ZEB1: variants seen among roughly 807,000 people sequenced by gnomAD.
ZEB1 encodes zinc finger E-box binding homeobox 1.
A neutral mutation model predicts 84.9 loss-of-function variants in ZEB1; 21 were observed. The ratio of observed to expected loss-of-function variants is 0.25; its 90% confidence interval spans 0.18 to 0.36. The LOEUF (loss-of-function observed/expected upper bound fraction) is 0.36, where lower values mean the gene tolerates loss of function less well. Among genes scored for constraint, ZEB1 ranks in the 10% least tolerant of loss-of-function variants. The pLI is 1.00. For missense variants in ZEB1, 1,104 were observed against 1,330.2 expected, an observed-to-expected ratio of 0.83 and a Z score of 2.65; for synonymous variants, 420 against 471.1, an observed-to-expected ratio of 0.89 and a Z score of 1.41.
chr10:31,323,035 C>T (rs2034533065), intron 1 of ZEB1, among the ~76,000 whole-genome samples: 1 of 151,772 alleles, frequency 6.6e-6, no homozygotes, highest in African/African-American at 2.4e-5. Context: ...TCTAGTTTGC[C>T]GAAACTAGAA....
intron 1 of ZEB1, among the ~76,000 whole-genome samples, chr10:31,342,456 A>G (rs2039559342): frequency 6.6e-6 from 1 of 152,108 alleles, no homozygotes; most frequent in Admixed American, 6.6e-5. Flanking sequence ...GGTGGAGGTT[A>G]TGATTTTTTG....
At chr10:31,363,370 A>T in intron 1 of ZEB1, 1 of 1,534,426 alleles carries the variant, frequency 6.5e-7, no homozygotes, top group Non-Finnish European at 8.7e-7. Context: ...CACTGCATGC[A>T]CCTGGGCCTT....
chr10:31,470,938 C>G (rs1326138693), intron 2 of ZEB1, among the ~76,000 whole-genome samples: 2 of 136,488 alleles, frequency 1.5e-5, no homozygotes, highest in African/African-American at 5.6e-5. Flanking sequence ...AATTTTCAAC[C>G]CAGAATTTCA....
chr10:31,458,021 A>C (rs923048896), intron 1 of ZEB1, among the ~76,000 whole-genome samples: 2 of 152,128 alleles, frequency 1.3e-5, no homozygotes, highest in African/African-American at 4.8e-5. Flanking sequence ...AAAGATGTCC[A>C]GAAGCCTCCC....
chr10:31,414,069 A>G (rs974376426), intron 1 of ZEB1, among the ~76,000 whole-genome samples: 2 of 152,110 alleles, frequency 1.3e-5, no homozygotes, highest in Non-Finnish European at 2.9e-5. Flanking sequence ...GTTTCCTTTT[A>G]CCCTTTTTAA....
chr10:31,527,412 AACACACACACACACACACACAC>A lies in ZEB1; in HGVS notation c.*168_*189del, dbSNP rs3086583. On this transcript the variant is annotated 3_prime_UTR_variant, in exon 9 of 9. Transcript: ENST00000424869. The stretch of plus-strand genomic sequence containing the variant: ...AAAACTAAAAAAATACAAAATACAA[AACACACACACACACACACACAC>A]ACACACACACACACACACAAAATAA... The A allele has an allele frequency of 1.6e-4, 80 of 515,748 alleles. No individual in the cohort carries two copies. The East Asian group carries it at 2.4e-3, about 16-fold the overall frequency. The allele number at this position is 515,748 out of a possible 1,614,324, so 31.9% of individuals were successfully genotyped here.
intron 2 of ZEB1, among the ~76,000 whole-genome samples, chr10:31,490,555 T>C (rs376704925): frequency 2.0e-5 from 3 of 151,732 alleles, no homozygotes; most frequent in Admixed American, 2.0e-4. Context: ...TATCTTCCAT[T>C]TGCTGAGACA....
chr10:31,480,551 G>A (rs73262036), intron 2 of ZEB1, among the ~76,000 whole-genome samples: 2,260 of 152,128 alleles, frequency 0.015, 63 homozygotes, highest in African/African-American at 0.051. Context: ...TGGGCCAGAT[G>A]ACCCCTGAGT....
chr10:31,469,426 T>C (rs901244785), intron 2 of ZEB1, among the ~76,000 whole-genome samples: 8 of 152,292 alleles, frequency 5.3e-5, no homozygotes, highest in Admixed American at 3.9e-4. Context: ...GGGAGTTCCC[T>C]TTCCTAGTCA....
intron 1 of ZEB1, among the ~76,000 whole-genome samples, chr10:31,444,035 T>G (rs2059419691): frequency 6.6e-6 from 1 of 150,532 alleles, no homozygotes; most frequent in African/African-American, 2.5e-5. Context: ...ACCAACAGTG[T>G]AAAAGTGTTC....
In ZEB1 at chr10:31,471,356, A is replaced by C. The variant is rs2063213390; in HGVS notation, c.259+10119A>C. Among the ~76,000 whole-genome samples, 3 of 147,566 alleles carry C rather than the reference A, an allele frequency of 2.0e-5. No homozygotes were observed. In the South Asian group the frequency reaches 6.6e-4, roughly 32 times the overall value. On this transcript the variant is annotated intron_variant, in intron 2 of 8. Coordinates refer to ENST00000424869, the MANE Select transcript of ZEB1 (RefSeq NM_001174096.2). ...GAGACACACATAGGCTCAAAATAAA[A>C]GGATGGAGGAAGATCTACCAAGCAA... is the stretch of plus-strand genomic sequence containing the variant.
At chr10:31,457,431 A>T (rs2061363131) in intron 1 of ZEB1, among the ~76,000 whole-genome samples, 1 of 152,102 alleles carries the variant, frequency 6.6e-6, no homozygotes. Flanking sequence ...CTCTCAGCTA[A>T]GTGACAGAAG....
chr10:31,507,897 T>A (rs1005353996), intron 4 of ZEB1, among the ~76,000 whole-genome samples: 1 of 152,154 alleles, frequency 6.6e-6, no homozygotes, highest in African/African-American at 2.4e-5. Flanking sequence ...TCCTTCCTTT[T>A]TCATGTTTCT....
At chr10:31,338,875 TATACATCATA>T (rs1008540291) in intron 1 of ZEB1, among the ~76,000 whole-genome samples, 2 of 152,162 alleles carry the variant, frequency 1.3e-5, no homozygotes, top group African/African-American at 4.8e-5. Flanking sequence ...ATTTGATATT[TATACATCATA>T]AATGATGTAT....
intron 1 of ZEB1, among the ~76,000 whole-genome samples, chr10:31,350,209 T>C (rs2041075999): frequency 6.6e-6 from 1 of 152,176 alleles, no homozygotes. Flanking sequence ...GGCATCTTTA[T>C]TGAAAATCAA....
Position 31,525,009 on chromosome 10 carries a change from G to GT in ZEB1, c.2785+901dup, listed in dbSNP as rs569496151. Among the ~76,000 whole-genome samples the GT allele has an allele frequency of 3.0e-3, 451 of 152,202 alleles. 5 individuals carry two copies. Among genetic ancestry groups the GT allele is most frequent in the African/African-American group, 9.8e-3 (407 of 41,534 alleles). On this transcript the variant is annotated intron_variant, in intron 8 of 8. Coordinates refer to ENST00000424869, the MANE Select transcript of ZEB1 (RefSeq NM_001174096.2). ...ACAGGCCAAATGTGAGCATACGCAT[G>GT]TTTTTCTATGAGGTAAGAATGGTAG...
chr10:31,375,608 T>A (rs554946640), intron 1 of ZEB1, among the ~76,000 whole-genome samples: 1 of 151,906 alleles, frequency 6.6e-6, no homozygotes, highest in East Asian at 1.9e-4. Context: ...TTTTTAATTA[T>A]ATAACTTCTC....
At chr10:31,477,577 C>T (rs1011470801) in intron 2 of ZEB1, among the ~76,000 whole-genome samples, 11 of 151,970 alleles carry the variant, frequency 7.2e-5, no homozygotes, top group African/African-American at 2.7e-4. Context: ...AAGAACAAAG[C>T]CAGAGACATC....
intron 1 of ZEB1, among the ~76,000 whole-genome samples, chr10:31,449,805 GATA>G (rs1255788946): frequency 1.3e-5 from 2 of 152,024 alleles, no homozygotes; most frequent in Non-Finnish European, 1.5e-5. Context: ...TGTTTTCTCA[GATA>G]ATAATACCAA....
Sources: allele counts gnomAD v4.1 joint callset (sites outside exome capture counted in the v4.1 genomes callset), GRCh38; gene constraint gnomAD v4.1.1; transcripts MANE v1.5; gene names NCBI Gene and HGNC (gene_info 2026-07-23, HGNC 2026-07-21).